MYO3A: variants seen among roughly 807,000 people sequenced by gnomAD.
MYO3A encodes myosin-IIIa.
A neutral mutation model predicts 192.7 loss-of-function variants in MYO3A; 180 were observed. That is an observed-to-expected ratio of 0.93 (90% CI 0.83 to 1.06). MYO3A has a LOEUF of 1.06. Ranked by LOEUF, MYO3A falls within the 50% of genes least tolerant of loss-of-function variation. The pLI is 0.00. For missense variants in MYO3A, 1,896 were observed against 1,905.0 expected (o/e 1.00, Z 0.09); for synonymous variants, 628 against 645.3 (o/e 0.97, Z 0.41).
intron 20 of MYO3A, among the ~76,000 whole-genome samples, chr10:26,141,644 A>C (rs1840173516): frequency 6.6e-6 from 1 of 152,214 alleles, no homozygotes; most frequent in Admixed American, 6.5e-5. Context: ...TTTAAATTGT[A>C]ATATGCTGTG....
intron 4 of MYO3A, among the ~76,000 whole-genome samples, chr10:25,995,495 T>G (rs1840369066): frequency 6.6e-6 from 1 of 152,236 alleles, no homozygotes; most frequent in Non-Finnish European, 1.5e-5. Flanking sequence ...GTAGCCTTCT[T>G]CTCTCAAATC....
intron 6 of MYO3A, among the ~76,000 whole-genome samples, chr10:26,013,969 G>A (rs1841826232): frequency 1.3e-5 from 2 of 152,218 alleles, no homozygotes; most frequent in African/African-American, 2.4e-5. Flanking sequence ...AATGTCTTTT[G>A]TAACAACTTG....
Position 25,995,070 on chromosome 10 carries a change from G to A in MYO3A, c.304-1420G>A, listed in dbSNP as rs184498927. ...GAATGTTGTCCTGCCTTGCTTGGTT[G>A]GGGAAGTTCTCCTGGATAATATCCT... On this transcript the variant is annotated intron_variant, in intron 4 of 34. Coordinates refer to ENST00000642920, the MANE Select transcript of MYO3A (RefSeq NM_017433.5). 1.1e-4 allele frequency among the ~76,000 whole-genome samples: 16 copies of A among 152,222 alleles called. No homozygotes were observed. The East Asian group carries it at 2.3e-3, about 22-fold the overall frequency.
intron 14 of MYO3A, among the ~76,000 whole-genome samples, chr10:26,077,270 A>G (rs1228141124): frequency 3.6e-5 from 3 of 83,972 alleles, no homozygotes; most frequent in African/African-American, 1.2e-4. Context: ...CTGTTGTAAA[A>G]GGGGTTGAGT....
intron 2 of MYO3A, among the ~76,000 whole-genome samples, chr10:25,937,752 A>T (rs1836191223): frequency 6.6e-6 from 1 of 152,250 alleles, no homozygotes; most frequent in Non-Finnish European, 1.5e-5. Flanking sequence ...ACGGAATACA[A>T]ATACAAAAGT....
intron 26 of MYO3A, among the ~76,000 whole-genome samples, chr10:26,161,845 A>G (rs1379961203): frequency 1.3e-5 from 2 of 152,146 alleles, no homozygotes; most frequent in Non-Finnish European, 2.9e-5. Context: ...TGCCCTCCAT[A>G]AGCACGTGTG....
intron 10 of MYO3A, among the ~76,000 whole-genome samples, chr10:26,043,237 TG>T (rs1843453508): frequency 6.6e-6 from 1 of 151,720 alleles, no homozygotes; most frequent in Non-Finnish European, 1.5e-5. Context: ...TGGTGGCTAC[TG>T]GGACTGCACT....
At chr10:26,098,834 G>A (rs1837238038) in intron 17 of MYO3A, among the ~76,000 whole-genome samples, 1 of 152,332 alleles carries the variant, frequency 6.6e-6, no homozygotes, top group Admixed American at 6.5e-5. Context: ...ATAGTTTGAA[G>A]TCAGGTAGCA....
At chr10:26,102,624 A>G (rs1318277853) in intron 17 of MYO3A, among the ~76,000 whole-genome samples, 1 of 152,316 alleles carries the variant, frequency 6.6e-6, no homozygotes, top group East Asian at 1.9e-4. Flanking sequence ...TCTAACAGTC[A>G]GGACCCTCAG....
intron 23 of MYO3A, among the ~76,000 whole-genome samples, chr10:26,151,330 A>G (rs1840778146): frequency 2.6e-5 from 4 of 151,718 alleles, no homozygotes; most frequent in African/African-American, 7.3e-5. Flanking sequence ...GTTTTTGCTC[A>G]TGTATTCTTA....
chr10:25,983,220 A>C (rs1057090354), intron 4 of MYO3A, among the ~76,000 whole-genome samples: 4 of 151,892 alleles, frequency 2.6e-5, no homozygotes, highest in African/African-American at 4.8e-5. Context: ...GCTTGAAAAC[A>C]AGGCTTTTTA....
At chr10:26,189,420 G>T (rs1843019523) in intron 31 of MYO3A, among the ~76,000 whole-genome samples, 1 of 152,198 alleles carries the variant, frequency 6.6e-6, no homozygotes, top group African/African-American at 2.4e-5. Flanking sequence ...TACCATTTAT[G>T]CTCAATGAAA....
chr10:26,079,552 C>T lies in MYO3A; in HGVS notation c.1360-8651C>T, dbSNP rs552251172. Reference sequence around the variant, plus strand: ...TGCATTCATCATGCTGTTTGTTGCTCGTGTACTTTTGATTTTGTTTTTTTG... The same window carrying T: ...TGCATTCATCATGCTGTTTGTTGCTTGTGTACTTTTGATTTTGTTTTTTTG... On this transcript the variant is annotated intron_variant, in intron 14 of 34. Transcript: ENST00000642920. Among the ~76,000 whole-genome samples, 24 of 151,904 alleles carry T rather than the reference C, an allele frequency of 1.6e-4. No individual in the cohort carries two copies. In the South Asian group the frequency reaches 4.2e-3, roughly 26 times the overall value.
At chr10:26,092,412 G>A (rs1836755806) in intron 15 of MYO3A, among the ~76,000 whole-genome samples, 1 of 150,990 alleles carries the variant, frequency 6.6e-6, no homozygotes, top group Non-Finnish European at 1.5e-5. Context: ...CTTGCAGTGA[G>A]CCAAGATCGT....
At chr10:26,090,124 A>C (rs12246202) in intron 15 of MYO3A, among the ~76,000 whole-genome samples, 45,009 of 152,038 alleles carry the variant, frequency 0.3, 7,124 homozygotes, top group Middle Eastern at 0.43. Context: ...TTCTGCTTTC[A>C]TAATTGTGTA....
chr10:26,020,309 C>T (rs1476014202), intron 7 of MYO3A, among the ~76,000 whole-genome samples: 2 of 152,178 alleles, frequency 1.3e-5, no homozygotes, highest in Admixed American at 6.6e-5. Flanking sequence ...CACTGATATG[C>T]TTATAACTAA....
At chr10:26,002,443 C>G (rs781684056) in intron 6 of MYO3A, among the ~76,000 whole-genome samples, 4 of 152,180 alleles carry the variant, frequency 2.6e-5, no homozygotes, top group Non-Finnish European at 4.4e-5. Flanking sequence ...GCACGTGGCC[C>G]CTGCTGCTGT....
chr10:26,076,773 T>C (rs1444126251), intron 14 of MYO3A, among the ~76,000 whole-genome samples: 1 of 152,112 alleles, frequency 6.6e-6, no homozygotes, highest in East Asian at 1.9e-4. Flanking sequence ...ATTTTATGTT[T>C]TTATTTGCTT....
At chr10:26,151,308 C>CT (rs909196458) in intron 23 of MYO3A, among the ~76,000 whole-genome samples, 10 of 150,352 alleles carry the variant, frequency 6.7e-5, no homozygotes, top group South Asian at 4.2e-4. Flanking sequence ...ATTTGTCTCT[C>CT]TTTTTTTTTC....
Sources: allele counts gnomAD v4.1 joint callset (sites outside exome capture counted in the v4.1 genomes callset), GRCh38; gene constraint gnomAD v4.1.1; transcripts MANE v1.5; gene names NCBI Gene and HGNC (gene_info 2026-07-23, HGNC 2026-07-21).